The following PUM3 variants were observed in gnomAD, a reference collection of about 807,000 sequenced individuals.
PUM3 encodes pumilio RNA binding family member 3.
A neutral mutation model predicts 84.0 loss-of-function variants in PUM3; 91 were observed. The observed-to-expected ratio is 1.08, with a 90% CI of 0.91 to 1.29. The LOEUF (loss-of-function observed/expected upper bound fraction) is 1.29. Ranked by LOEUF, PUM3 falls within the 50% of genes most tolerant of loss-of-function variation. PUM3 has a pLI of 0.00. For missense variants in PUM3, 1,067 were observed against 767.5 expected (o/e 1.39, Z -4.61); for synonymous variants, 321 against 266.7 (o/e 1.20, Z -1.98).
At chr9:2,816,378 G>C (rs1363147078) in intron 13 of PUM3, among the ~76,000 whole-genome samples, 1 of 152,102 alleles carries the variant, frequency 6.6e-6, no homozygotes. Context: ...AAACTGGAAG[G>C]TCTAGTTTAG....
chr9:2,825,242 ACTCATTTTGACTGAAAAG>A (rs1815780495), intron 10 of PUM3, among the ~76,000 whole-genome samples: 1 of 152,008 alleles, frequency 6.6e-6, no homozygotes, highest in East Asian at 1.9e-4. Context: ...GAATCAAAAC[ACTCATTTTGACTGAAAAG>A]CTTCCCTTTT....
intron 17 of PUM3, among the ~76,000 whole-genome samples, chr9:2,805,304 G>A (rs1187204267): frequency 1.3e-5 from 2 of 152,172 alleles, no homozygotes; most frequent in Non-Finnish European, 2.9e-5. Flanking sequence ...AGTGAAAGGA[G>A]CCATAGAGGC....
chr9:2,810,443 C>A lies in PUM3; in HGVS notation c.1636-12G>T, dbSNP rs2277147. 59,849 of 1,565,426 alleles carry A rather than the reference C, an allele frequency of 0.038. 1,304 individuals carry two copies. Among genetic ancestry groups the A allele is most frequent in the East Asian group, 0.096 (4,281 of 44,460 alleles). ...TCTGCAATGTGAAGCTATGAAGGGT[C>A]AAGAACAGTTAATTTTAAAAGTTGT... On this transcript the variant is annotated splice_polypyrimidine_tract_variant and intron_variant, in intron 15 of 17. Transcript: ENST00000397885.
At chr9:2,843,573 C>CTTTTT (rs34837134) in intron 1 of PUM3, among the ~76,000 whole-genome samples, 4 of 96,396 alleles carry the variant, frequency 4.1e-5, no homozygotes, top group African/African-American at 8.1e-5. Context: ...TCCCGCCCTT[C>CTTTTT]TTTTTTTTTT....
intron 3 of PUM3, among the ~76,000 whole-genome samples, chr9:2,836,847 A>C (rs943676437): frequency 6.6e-6 from 1 of 152,058 alleles, no homozygotes; most frequent in Admixed American, 6.6e-5. Context: ...CTCCTGGTAC[A>C]ATGCATAGAA....
chr9:2,830,792 C>T (rs190953324), intron 7 of PUM3, among the ~76,000 whole-genome samples, 170 bp downstream of exon 7: 10 of 152,156 alleles, frequency 6.6e-5, no homozygotes, highest in South Asian at 2.1e-4. Flanking sequence ...ACATTAATTT[C>T]GATAATTGTA....
chr9:2,831,270 C>A lies in PUM3; in HGVS notation c.591G>T (p.Gln197His), dbSNP rs1428826093. 2.5e-6 allele frequency: 4 copies of A among 1,602,560 alleles called. No homozygotes were observed. Among genetic ancestry groups the A allele is most frequent in the Non-Finnish European group, 3.4e-6 (4 of 1,172,234 alleles). ...AAATACCTCGCAATTCTTCAAAAGC[C>A]TGTTTTCTCTGTTCTTCATTACCAT... is the stretch of plus-strand genomic sequence containing the variant. Reference protein sequence around the residue: ...IQYGNEEQRKQAFEELRDDLV... With the variant: ...IQYGNEEQRKHAFEELRDDLV... The change falls in exon 6 of 18, where the codon CAG becomes CAT. Residue 197 changes from glutamine (Q) to histidine (H), a missense_variant. Transcript: ENST00000397885.
chr9:2,807,922 G>A lies in PUM3; in HGVS notation c.1724-18C>T. On this transcript the variant is annotated intron_variant, in intron 16 of 17. Transcript: ENST00000397885. ...AAAACAACCTGTAAAATATACTGAA[G>A]CTTAGTGAACATCACATAATAAGAT... 6.6e-7 allele frequency: 1 copy of A among 1,507,048 alleles called. No homozygotes were observed. The highest frequency in any genetic ancestry group is 1.1e-5 in the South Asian group (1 of 88,896). The allele number at this position is 1,507,048 out of a possible 1,614,324, so 93.4% of individuals were successfully genotyped here.
chr9:2,841,161 C>A (rs1225928015), intron 1 of PUM3, among the ~76,000 whole-genome samples: 15 of 152,210 alleles, frequency 9.9e-5, no homozygotes, highest in Admixed American at 9.8e-4. Flanking sequence ...TATTTATACA[C>A]ATATTCCACC....
Position 2,812,303 on chromosome 9 carries a change from C to A in PUM3, c.1329G>T (p.Leu443Phe). Residue 443 changes from leucine to phenylalanine, a missense_variant, in exon 14 of 18, where the codon TTG becomes TTT. By Grantham distance (22) the Leu-to-Phe change is conservative (BLOSUM62 0). Transcript: ENST00000397885. ...CAGGATCTCTGGGGCTTAGTAAGTACAATAGGACCTTCCTTCCATATTTGT... is the reference window on the plus strand; with the variant it reads ...CAGGATCTCTGGGGCTTAGTAAGTAAAATAGGACCTTCCTTCCATATTTGT... The part of the protein sequence containing the change: ...VNDKYGRKVL[L>F]YLLSPRDPAH... 1 of 1,603,752 alleles carries A rather than the reference C, an allele frequency of 6.2e-7. No homozygotes were observed. Among genetic ancestry groups the A allele is most frequent in the Non-Finnish European group, 8.5e-7 (1 of 1,170,692 alleles).
In PUM3 at chr9:2,842,108, C is replaced by A. The variant is rs556814089; in HGVS notation, c.-11+1937G>T. ...TCATACAATATGTAACTTTTTGAGT[C>A]TTGCTTTTTGCACTGGGCAAAATGC... is the stretch of plus-strand genomic sequence containing the variant. On this transcript the variant is annotated intron_variant, in intron 1 of 17. Transcript: ENST00000397885. Among the ~76,000 whole-genome samples the A allele has an allele frequency of 2.0e-5, 3 of 152,184 alleles. No homozygotes were observed. In the East Asian group the frequency reaches 5.8e-4, roughly 29 times the overall value.
At chr9:2,843,100 T>C (rs1184420496) in intron 1 of PUM3, among the ~76,000 whole-genome samples, 2 of 152,206 alleles carry the variant, frequency 1.3e-5, no homozygotes, top group African/African-American at 4.8e-5. Context: ...TGATTCTCAC[T>C]TGCTTACAAG....
At chr9:2,837,579 A>G (rs1816161801) in intron 2 of PUM3, among the ~76,000 whole-genome samples, 178 bp from the exon 3 acceptor site, 1 of 152,238 alleles carries the variant, frequency 6.6e-6, no homozygotes, top group Admixed American at 6.5e-5. Context: ...ACAAAAATAA[A>G]AAATTCTTTC....
At chr9:2,838,379 TC>T in intron 2 of PUM3, 46 bp downstream of exon 2, 1 of 1,258,666 alleles carries the variant, frequency 7.9e-7, no homozygotes. Context: ...TGCCCTCCCA[TC>T]CCCCAATTAT....
intron 13 of PUM3, among the ~76,000 whole-genome samples, chr9:2,817,871 ACAGCAATTGGC>A (rs368673604): frequency 0.014 from 2,114 of 152,278 alleles, 22 homozygotes; most frequent in Middle Eastern, 0.041. Context: ...TCACCCTCAA[ACAGCAATTGGC>A]TAGTATACTT....
At chr9:2,842,961 C>T (rs1816308046) in intron 1 of PUM3, among the ~76,000 whole-genome samples, 1 of 152,114 alleles carries the variant, frequency 6.6e-6, no homozygotes, top group African/African-American at 2.4e-5. Context: ...CTCTACTCTG[C>T]CACGCTGAAC....
rs775396023 is a variant in PUM3, at chr9:2,829,913, A to G, written c.713T>C (p.Phe238Ser). Residue 238 changes from phenylalanine to serine, a missense_variant, in exon 8 of 18, where the codon TTT becomes TCT. Phe to Ser is a radical substitution (Grantham distance 155, BLOSUM62 -2). Transcript: ENST00000397885. ...CAGCATCTTCCTCACGTGGCCTTTA[A>G]AACTTCTGATTATCTCTGCAATCTG... Reference protein sequence around the residue: ...KPQIAEIIRSFKGHVRKMLRH... With the variant: ...KPQIAEIIRSSKGHVRKMLRH... 1 of 1,613,772 alleles carries G rather than the reference A, an allele frequency of 6.2e-7. No individual in the cohort carries two copies. The highest frequency in any genetic ancestry group is 1.1e-5 in the South Asian group (1 of 91,060).
chr9:2,831,452 C>T (rs1815977744), intron 5 of PUM3, 108 bp from the exon 6 acceptor site: 3 of 715,684 alleles, frequency 4.2e-6, no homozygotes, highest in Non-Finnish European at 7.3e-6. Flanking sequence ...AGGTAGTCTT[C>T]ATGAATAAAA....
intron 1 of PUM3, among the ~76,000 whole-genome samples, chr9:2,840,952 G>T (rs1196635652): frequency 2.6e-5 from 4 of 152,234 alleles, no homozygotes; most frequent in Middle Eastern, 6.8e-3. Context: ...GACAGATTCA[G>T]GAAACACATA....
Sources: allele counts gnomAD v4.1 joint callset (sites outside exome capture counted in the v4.1 genomes callset), GRCh38; gene constraint gnomAD v4.1.1; transcripts MANE v1.5; gene names NCBI Gene and HGNC (gene_info 2026-07-23, HGNC 2026-07-21).